The following FARP1 variants were observed in gnomAD, a reference collection of about 807,000 sequenced individuals.
The protein encoded by FARP1 is FERM, ARH/RhoGEF and pleckstrin domain protein 1.
Under a neutral mutation model 128.8 loss-of-function variants are expected in FARP1, and 52 were observed. That is an observed-to-expected ratio of 0.40 (90% confidence interval 0.32 to 0.51). The LOEUF (loss-of-function observed/expected upper bound fraction) is 0.51, where lower values mean the gene tolerates loss of function less well. Among genes scored for constraint, FARP1 ranks in the 20% least tolerant of loss-of-function variants. The probability of loss-of-function intolerance (pLI) is 0.45; values close to 1 mark genes in which losing one functional copy is unlikely to be tolerated. For missense variants in FARP1, 1,333 were observed against 1,367.9 expected, an observed-to-expected ratio of 0.97 and a Z score of 0.40; for synonymous variants, 580 against 551.8, an observed-to-expected ratio of 1.05 and a Z score of -0.72.
At chr13:98,315,618 C>T (rs1886686363) in intron 2 of FARP1, among the ~76,000 whole-genome samples, 1 of 152,098 alleles carries the variant, frequency 6.6e-6, no homozygotes, top group African/African-American at 2.4e-5. Flanking sequence ...TCTGGGAAGG[C>T]TGAGGAGTGC....
At chr13:98,259,054 A>G (rs900111855) in intron 2 of FARP1, among the ~76,000 whole-genome samples, 2 of 150,406 alleles carry the variant, frequency 1.3e-5, no homozygotes, top group African/African-American at 5.0e-5. Flanking sequence ...TCTACAAAAA[A>G]TAAAAAAAAA....
At chr13:98,400,434 A>G (rs1462219653) in intron 13 of FARP1, 1 of 152,230 alleles carries the variant, frequency 6.6e-6, no homozygotes, top group Non-Finnish European at 1.5e-5. Flanking sequence ...TCATACCTGT[A>G]ATCAGTATTC....
rs1891709590 is a variant in FARP1, at chr13:98,424,588, G to A, written c.1843G>A (p.Ala615Thr). Residue 615 changes from alanine (A) to threonine (T), a missense_variant, in exon 17 of 27, where the codon GCC (alanine) becomes ACC (threonine). Around this residue, in one of 2 missense-constraint regions of FARP1, gnomAD observed 1,009 missense variants for 969.8 expected, o/e 1.04. Transcript: ENST00000319562. ...TGCTCTCAGGGAAGGCCGCTCAAAT[G>A]CCCAAATCAGAGATTACCAAAGAAT... ...RLALWEGRSN[A>T]QIRDYQRIGD... The A allele has an allele frequency of 1.2e-6, 2 of 1,613,442 alleles. No homozygotes were observed. The highest frequency in any genetic ancestry group is 1.7e-6 in the Non-Finnish European group (2 of 1,179,400).
intron 1 of FARP1, among the ~76,000 whole-genome samples, chr13:98,172,489 T>C (rs1877721407): frequency 6.6e-6 from 1 of 152,098 alleles, no homozygotes; most frequent in Admixed American, 6.5e-5. Context: ...CAGAGCTGCC[T>C]CTAGCATAGC....
intron 2 of FARP1, among the ~76,000 whole-genome samples, chr13:98,275,065 G>A (rs1174982082): frequency 6.6e-6 from 1 of 152,140 alleles, no homozygotes; most frequent in Non-Finnish European, 1.5e-5. Flanking sequence ...TGTGATACAG[G>A]ACTGCATTTA....
chr13:98,177,182 T>G lies in FARP1; in HGVS notation c.-24+33690T>G, dbSNP rs750294187. ...CGTCCAGGCTTTTTGAAGAGGAAGG[T>G]GCATACCTGGTCTGCTTGGTCGGCC... On this transcript the variant is annotated intron_variant, in intron 1 of 26. Transcript: ENST00000319562. 6.4e-5 allele frequency: 103 copies of G among 1,600,806 alleles called. No homozygotes were observed. The highest frequency in any genetic ancestry group is 2.1e-4 in the Middle Eastern group (1 of 4,778).
At chr13:98,379,441 G>C (rs1889803905) in intron 6 of FARP1, among the ~76,000 whole-genome samples, 1 of 151,354 alleles carries the variant, frequency 6.6e-6, no homozygotes, top group Non-Finnish European at 1.5e-5. Context: ...GAGTCTGGCA[G>C]ACCTGATTTC....
chr13:98,451,417 A>C lies in FARP1; in HGVS notation c.*3100A>C, dbSNP rs1893187131. The C allele has an allele frequency of 6.6e-6, 1 of 152,200 alleles. No homozygotes were observed. Among genetic ancestry groups the C allele is most frequent in the Non-Finnish European group, 1.5e-5 (1 of 68,048 alleles). The allele number at this position is 152,200 out of a possible 1,614,324, so 9.4% of individuals were successfully genotyped here. On this transcript the variant is annotated 3_prime_UTR_variant, in exon 27 of 27. Transcript: ENST00000319562. Reference sequence around the variant, plus strand: ...AGTAATGAGTACAATAAGAATTAGCAACTCAGTTCTATTTCCCCAACCAAA... The same window carrying C: ...AGTAATGAGTACAATAAGAATTAGCCACTCAGTTCTATTTCCCCAACCAAA...
intron 2 of FARP1, among the ~76,000 whole-genome samples, chr13:98,261,220 G>A (rs1001764816): frequency 2.0e-5 from 3 of 152,244 alleles, no homozygotes; most frequent in Non-Finnish European, 4.4e-5. Context: ...GGCAGCGAGA[G>A]AGGAGATGCC....
intron 2 of FARP1, among the ~76,000 whole-genome samples, chr13:98,225,797 G>A (rs910803875): frequency 5.9e-5 from 9 of 152,178 alleles, no homozygotes; most frequent in African/African-American, 2.2e-4. Flanking sequence ...TTGCCCTCTT[G>A]TCTGGCTCCT....
chr13:98,312,047 A>G (rs572653220), intron 2 of FARP1, among the ~76,000 whole-genome samples: 1 of 146,708 alleles, frequency 6.8e-6, no homozygotes, highest in South Asian at 2.2e-4. Context: ...GGGTTTCACC[A>G]TGTTGGCCAG....
intron 1 of FARP1, among the ~76,000 whole-genome samples, chr13:98,188,883 C>T (rs1280777725): frequency 6.6e-6 from 1 of 152,194 alleles, no homozygotes; most frequent in Non-Finnish European, 1.5e-5. Context: ...GTCATTGATA[C>T]CAATTGACCT....
At chr13:98,324,040 C>T (rs1887121535) in intron 2 of FARP1, among the ~76,000 whole-genome samples, 1 of 152,196 alleles carries the variant, frequency 6.6e-6, no homozygotes, top group African/African-American at 2.4e-5. Context: ...GATTTTATTA[C>T]TTGATTAATA....
At chr13:98,388,356 G>A (rs1254480008) in intron 8 of FARP1, 27 bp from the exon 9 acceptor site, 1 of 1,568,884 alleles carries the variant, frequency 6.4e-7, no homozygotes, top group Middle Eastern at 1.7e-4. Flanking sequence ...GCATTTCCTG[G>A]CTCACTGCTA....
At chr13:98,219,904 A>G (rs961837508) in intron 2 of FARP1, among the ~76,000 whole-genome samples, 1 of 152,070 alleles carries the variant, frequency 6.6e-6, no homozygotes, top group Non-Finnish European at 1.5e-5. Context: ...CCTGGACTGA[A>G]GTGATCCTCC....
chr13:98,318,888 A>G (rs561081193), intron 2 of FARP1, among the ~76,000 whole-genome samples: 6 of 151,434 alleles, frequency 4.0e-5, no homozygotes, highest in African/African-American at 9.7e-5. Flanking sequence ...ATCTGTGTGA[A>G]ATACAAGACA....
chr13:98,320,385 C>T (rs1886937355), intron 2 of FARP1, among the ~76,000 whole-genome samples: 1 of 152,182 alleles, frequency 6.6e-6, no homozygotes, highest in Non-Finnish European at 1.5e-5. Flanking sequence ...TTGCCCGTCA[C>T]CACTTGGGAA....
At chr13:98,446,457 T>C in intron 25 of FARP1, 1 of 609,766 alleles carries the variant, frequency 1.6e-6, no homozygotes, top group Non-Finnish European at 2.9e-6. Flanking sequence ...GGGACGGGGG[T>C]TGGCTTTATC....
At chr13:98,163,504 C>T (rs1877026557) in intron 1 of FARP1, among the ~76,000 whole-genome samples, 1 of 151,638 alleles carries the variant, frequency 6.6e-6, no homozygotes, top group South Asian at 2.1e-4. Context: ...TCCCAAATAG[C>T]CATTTAGGAA....
Sources: allele counts gnomAD v4.1 joint callset (sites outside exome capture counted in the v4.1 genomes callset), GRCh38; gene constraint gnomAD v4.1.1; regional missense constraint gnomAD v4.1.1; transcripts MANE v1.5; gene names NCBI Gene and HGNC (gene_info 2026-07-23, HGNC 2026-07-21).